The following DDAH1 variants were observed in gnomAD, a reference collection of about 807,000 sequenced individuals.
The protein encoded by DDAH1 is N(G),N(G)-dimethylarginine dimethylaminohydrolase 1.
Under a neutral mutation model 28.8 loss-of-function variants are expected in DDAH1, and 19 were observed. The observed-to-expected ratio is 0.66, with a 90% CI of 0.46 to 0.97. DDAH1 has a LOEUF of 0.97. Ranked by LOEUF, DDAH1 falls within the 50% of genes least tolerant of loss-of-function variation. The pLI is 0.00. For missense variants in DDAH1, 326 were observed against 375.9 expected (o/e 0.87, Z 1.10); for synonymous variants, 153 against 154.4 (o/e 0.99, Z 0.07).
intron 1 of DDAH1, among the ~76,000 whole-genome samples, chr1:85,529,762 T>A (rs1189708301): frequency 6.7e-6 from 1 of 148,556 alleles, no homozygotes; most frequent in African/African-American, 2.5e-5. Context: ...CCTAACACAG[T>A]TACTGGGCAC....
intron 1 of DDAH1, among the ~76,000 whole-genome samples, chr1:85,571,440 G>T (rs10518341): frequency 0.019 from 2,859 of 152,262 alleles, 98 homozygotes; most frequent in African/African-American, 0.066. Context: ...TAAAGGGTGA[G>T]ACTCAGAGTT....
At chr1:85,542,335 A>T (rs1658494737) in intron 1 of DDAH1, among the ~76,000 whole-genome samples, 1 of 152,208 alleles carries the variant, frequency 6.6e-6, no homozygotes, top group African/African-American at 2.4e-5. Context: ...GGCAGCTCAG[A>T]CATGCATAGA....
chr1:85,454,366 G>A (rs1654792617), intron 1 of DDAH1, among the ~76,000 whole-genome samples: 1 of 152,128 alleles, frequency 6.6e-6, no homozygotes, highest in Admixed American at 6.5e-5. Flanking sequence ...GGTCCAAACA[G>A]TCAGGAAACC....
chr1:85,441,194 C>T (rs1219881761), intron 1 of DDAH1, among the ~76,000 whole-genome samples: 1 of 152,200 alleles, frequency 6.6e-6, no homozygotes, highest in African/African-American at 2.4e-5. Context: ...TCAAAGTCAT[C>T]CTCACAGCAC....
intron 1 of DDAH1, among the ~76,000 whole-genome samples, chr1:85,374,739 A>C (rs1650570194): frequency 6.6e-6 from 1 of 152,152 alleles, no homozygotes; most frequent in Admixed American, 6.6e-5. Context: ...AAATTATACT[A>C]TAAGCACAAA....
At chr1:85,552,287 T>C (rs946772748) in intron 1 of DDAH1, among the ~76,000 whole-genome samples, 1 of 152,198 alleles carries the variant, frequency 6.6e-6, no homozygotes, top group Non-Finnish European at 1.5e-5. Flanking sequence ...ACTTCTCCAG[T>C]GCATCTTCCA....
intron 2 of DDAH1, among the ~76,000 whole-genome samples, chr1:85,487,150 A>T (rs1656232733): frequency 6.6e-6 from 1 of 152,238 alleles, no homozygotes; most frequent in Non-Finnish European, 1.5e-5. Flanking sequence ...TCCTTTTCTC[A>T]GTAGTTGCTC....
intron 1 of DDAH1, among the ~76,000 whole-genome samples, chr1:85,496,848 T>C (rs1032967968): frequency 2.6e-5 from 4 of 152,144 alleles, no homozygotes; most frequent in Admixed American, 6.5e-5. Context: ...TAATAACCAG[T>C]AAGAAATAAA....
At chr1:85,503,562 T>TATCC (rs1656902609) in intron 1 of DDAH1, among the ~76,000 whole-genome samples, 1 of 150,042 alleles carries the variant, frequency 6.7e-6, no homozygotes, top group South Asian at 2.1e-4. Context: ...TCTATCTATC[T>TATCC]ATCTATCCAT....
intron 2 of DDAH1, among the ~76,000 whole-genome samples, chr1:85,483,208 T>C (rs1557679923): frequency 1.6e-5 from 2 of 122,738 alleles, no homozygotes; most frequent in Non-Finnish European, 3.3e-5. Context: ...AGTGAGACTA[T>C]CTCAAAAAAA....
At chr1:85,391,576 A>G (rs1017324577) in intron 1 of DDAH1, among the ~76,000 whole-genome samples, 1 of 152,246 alleles carries the variant, frequency 6.6e-6, no homozygotes, top group African/African-American at 2.4e-5. Flanking sequence ...ATTGGTGAGA[A>G]TTAGAGAAGC....
chr1:85,501,820 A>G (rs572714347), intron 1 of DDAH1, among the ~76,000 whole-genome samples: 86 of 152,318 alleles, frequency 5.6e-4, no homozygotes, highest in Non-Finnish European at 1.0e-3. Context: ...GGCTGGTACT[A>G]GTAACTTCAT....
intron 1 of DDAH1, chr1:85,380,634 A>G (rs1650936066): frequency 6.6e-6 from 1 of 152,216 alleles, no homozygotes; most frequent in South Asian, 2.1e-4. Flanking sequence ...AAGGTCTCTT[A>G]TTTACAATTC....
intron 1 of DDAH1, among the ~76,000 whole-genome samples, chr1:85,384,865 G>A (rs1420750604): frequency 2.0e-5 from 3 of 152,120 alleles, no homozygotes; most frequent in African/African-American, 7.2e-5. Flanking sequence ...GGCATGAAAG[G>A]GAGCAGACAG....
intron 1 of DDAH1, chr1:85,521,680 T>C: frequency 1.0e-6 from 1 of 984,472 alleles, no homozygotes; most frequent in Non-Finnish European, 1.2e-6. Flanking sequence ...GGCAAATTCC[T>C]TCTCCTCCAG....
At chr1:85,400,210 A>T (rs1205216722) in intron 1 of DDAH1, among the ~76,000 whole-genome samples, 455 of 9,680 alleles carry the variant, frequency 0.047, 24 homozygotes, top group African/African-American at 0.11. Context: ...TTTTTTTTTG[A>T]GACGGAGTCT....
At chr1:85,331,479 T>C in intron 4 of DDAH1, among the ~76,000 whole-genome samples, 1 of 151,710 alleles carries the variant, frequency 6.6e-6, no homozygotes. Flanking sequence ...GCTAAACCAG[T>C]ATTAAAAACA....
intron 1 of DDAH1, among the ~76,000 whole-genome samples, chr1:85,530,122 T>A (rs1658039807): frequency 6.6e-6 from 1 of 152,162 alleles, no homozygotes; most frequent in Non-Finnish European, 1.5e-5. Context: ...CCTCCAAACC[T>A]TTTGCAACAA....
chr1:85,400,568 A>G (rs1046264525), intron 1 of DDAH1, among the ~76,000 whole-genome samples: 2 of 152,108 alleles, frequency 1.3e-5, no homozygotes, highest in Non-Finnish European at 2.9e-5. Context: ...TATTGAATTA[A>G]CTGAACTGTA....
Sources: gnomAD v4.1 joint callset for allele counts (sites outside exome capture counted in the v4.1 genomes callset) on GRCh38, gnomAD v4.1.1 for gene constraint, MANE v1.5 for transcripts, NCBI Gene and HGNC (gene_info 2026-07-23, HGNC 2026-07-21) for gene names.